OPCML: variants seen among roughly 807,000 people sequenced by gnomAD.
OPCML encodes the protein opioid-binding protein/cell adhesion molecule.
A neutral mutation model predicts 37.8 loss-of-function variants in OPCML; 13 were observed. The observed-to-expected ratio is 0.34, with a 90% CI of 0.22 to 0.55. OPCML has a LOEUF of 0.55. OPCML is among the 20% of genes least tolerant of loss of function. OPCML has a pLI of 0.91. For missense variants in OPCML, 341 were observed against 435.6 expected (o/e 0.78, Z 1.93); for synonymous variants, 176 against 168.8 (o/e 1.04, Z -0.33).
chr11:133,494,502 A>C (rs1252252682), intron 1 of OPCML, among the ~76,000 whole-genome samples: 1 of 149,144 alleles, frequency 6.7e-6, no homozygotes, highest in African/African-American at 2.5e-5. Context: ...CTGGATTAAG[A>C]AAATGTGGCA....
intron 1 of OPCML, among the ~76,000 whole-genome samples, chr11:132,954,475 A>T (rs560896605): frequency 6.6e-6 from 1 of 152,160 alleles, no homozygotes; most frequent in Non-Finnish European, 1.5e-5. Context: ...AGGACTGGGT[A>T]TGACTGACTG....
At chr11:133,081,978 G>T (rs971044958) in intron 1 of OPCML, among the ~76,000 whole-genome samples, 1 of 152,116 alleles carries the variant, frequency 6.6e-6, no homozygotes, top group Non-Finnish European at 1.5e-5. Context: ...TCCCTCAGCA[G>T]CCCCGGGAAG....
chr11:133,271,742 T>G (rs941448623), intron 1 of OPCML, among the ~76,000 whole-genome samples: 1 of 152,178 alleles, frequency 6.6e-6, no homozygotes, highest in African/African-American at 2.4e-5. Flanking sequence ...AATATAAAAT[T>G]GCCACCAGAA....
intron 2 of OPCML, among the ~76,000 whole-genome samples, chr11:132,672,194 G>C (rs531193069): frequency 4.5e-4 from 68 of 152,146 alleles, no homozygotes; most frequent in Non-Finnish European, 7.6e-4. Context: ...AAAGAGAAGG[G>C]TCCCCTTCTA....
In OPCML at chr11:133,477,606, C is replaced by A. The variant is rs369822208; in HGVS notation, c.61+54658G>T. On this transcript the variant is annotated intron_variant, in intron 1 of 7. Coordinates refer to ENST00000524381, the MANE Select transcript of OPCML (RefSeq NM_001012393.5). ...GTGGACAGGACCTTTTCTACACTGT[C>A]CACAGTAACGCAACTGTAAAGAAAT... 2.2e-3 allele frequency among the ~76,000 whole-genome samples: 328 copies of A among 152,194 alleles called. 5 individuals are homozygous for A. The highest frequency in any genetic ancestry group is 0.015 in the South Asian group (71 of 4,816).
At chr11:132,550,614 T>C (rs2096379373) in intron 3 of OPCML, among the ~76,000 whole-genome samples, 1 of 152,234 alleles carries the variant, frequency 6.6e-6, no homozygotes, top group Admixed American at 6.5e-5. Flanking sequence ...CATTTCTTTA[T>C]AGCAACACAA....
chr11:132,424,864 T>C (rs920972353), intron 7 of OPCML, among the ~76,000 whole-genome samples: 1 of 152,106 alleles, frequency 6.6e-6, no homozygotes, highest in African/African-American at 2.4e-5. Flanking sequence ...AATACTAGCT[T>C]GTTTAGATAG....
chr11:133,146,655 T>C (rs1949902018), intron 1 of OPCML, among the ~76,000 whole-genome samples: 1 of 151,848 alleles, frequency 6.6e-6, no homozygotes, highest in Admixed American at 6.6e-5. Context: ...AGATGAGGTT[T>C]CACCATGTTG....
At chr11:132,992,696 G>A (rs142269313) in intron 1 of OPCML, among the ~76,000 whole-genome samples, 5 of 152,218 alleles carry the variant, frequency 3.3e-5, no homozygotes, top group Admixed American at 6.5e-5. Flanking sequence ...GGTGCTAGAG[G>A]AAACGTGGAG....
chr11:132,903,813 T>C (rs75092175), intron 2 of OPCML, among the ~76,000 whole-genome samples: 15,895 of 152,140 alleles, frequency 0.1, 1,098 homozygotes, highest in African/African-American at 0.18. Context: ...TATTCTACCT[T>C]CTCCCTCTGT....
intron 1 of OPCML, among the ~76,000 whole-genome samples, chr11:133,306,554 T>A (rs1942924885): frequency 6.6e-6 from 1 of 151,506 alleles, no homozygotes; most frequent in African/African-American, 2.4e-5. Context: ...TATATATGTG[T>A]GAGATGTAGT....
intron 2 of OPCML, among the ~76,000 whole-genome samples, chr11:132,661,294 G>A (rs191008496): frequency 5.9e-5 from 9 of 152,292 alleles, no homozygotes; most frequent in Admixed American, 5.2e-4. Flanking sequence ...TCACAAGTTT[G>A]TATGGTTCTC....
chr11:132,644,179 A>AGAT (rs1229678166), intron 3 of OPCML, among the ~76,000 whole-genome samples: 2 of 152,180 alleles, frequency 1.3e-5, no homozygotes, highest in Non-Finnish European at 2.9e-5. Context: ...TTCTATTAAA[A>AGAT]GATAGGGCTT....
chr11:132,865,664 C>T (rs1042078453), intron 2 of OPCML, among the ~76,000 whole-genome samples: 2 of 152,182 alleles, frequency 1.3e-5, no homozygotes, highest in African/African-American at 4.8e-5. Context: ...TAGCACTAAA[C>T]AGACTGGGGG....
At chr11:133,185,267 C>T (rs1370748923) in intron 1 of OPCML, among the ~76,000 whole-genome samples, 1 of 152,148 alleles carries the variant, frequency 6.6e-6, no homozygotes, top group Non-Finnish European at 1.5e-5. Flanking sequence ...TTGTCGGAGC[C>T]CATTTATGTT....
At chr11:133,439,617 G>T (rs547989602) in intron 1 of OPCML, among the ~76,000 whole-genome samples, 20 of 151,786 alleles carry the variant, frequency 1.3e-4, no homozygotes, top group Non-Finnish European at 2.2e-4. Context: ...ACAGGTGCCC[G>T]CCACCATGCC....
At chr11:132,578,918 T>G (rs1209331229) in intron 3 of OPCML, among the ~76,000 whole-genome samples, 1 of 152,154 alleles carries the variant, frequency 6.6e-6, no homozygotes, top group Non-Finnish European at 1.5e-5. Context: ...GCAGGCTTAA[T>G]TTGTGCTTCT....
intron 4 of OPCML, among the ~76,000 whole-genome samples, chr11:132,473,237 A>T (rs2096143728): frequency 6.6e-6 from 1 of 152,208 alleles, no homozygotes; most frequent in Non-Finnish European, 1.5e-5. Context: ...GTGAAAATAA[A>T]TTTGTGAATG....
At chr11:133,338,809 C>A (rs1172244324) in intron 1 of OPCML, among the ~76,000 whole-genome samples, 1 of 152,196 alleles carries the variant, frequency 6.6e-6, no homozygotes, top group Non-Finnish European at 1.5e-5. Context: ...CAGGAACTGG[C>A]CTGGCCAGCA....
Sources: gnomAD v4.1 joint callset for allele counts (sites outside exome capture counted in the v4.1 genomes callset) on GRCh38, gnomAD v4.1.1 for gene constraint, MANE v1.5 for transcripts, NCBI Gene and HGNC (gene_info 2026-07-23, HGNC 2026-07-21) for gene names.